PTGIS: variants seen among roughly 807,000 people sequenced by gnomAD.
PTGIS encodes the protein prostaglandin I2 synthase.
A neutral mutation model predicts 50.3 loss-of-function variants in PTGIS; 45 were observed. The ratio of observed to expected loss-of-function variants is 0.90; its 90% CI spans 0.70 to 1.15. The LOEUF is 1.15. Among genes scored for constraint, PTGIS ranks in the 50% most tolerant of loss-of-function variants. PTGIS has a pLI of 0.00. For synonymous variants in PTGIS, 260 were observed against 267.7 expected (o/e 0.97, Z 0.28); for missense variants, 668 against 661.3 (o/e 1.01, Z -0.11).
intron 8 of PTGIS, among the ~76,000 whole-genome samples, chr20:49,511,816 G>A (rs1259749676): frequency 6.6e-6 from 1 of 152,276 alleles, no homozygotes; most frequent in African/African-American, 2.4e-5. Context: ...AGATGGAAAT[G>A]TGGATGGAAA....
intron 1 of PTGIS, among the ~76,000 whole-genome samples, chr20:49,564,100 G>A (rs1024925363): frequency 2.0e-5 from 3 of 152,214 alleles, no homozygotes; most frequent in Admixed American, 6.5e-5. Flanking sequence ...AATGGGGCTC[G>A]AAAATTCTTG....
rs140892237 is a variant in PTGIS at position 49,520,074 on chromosome 20, T to C, written c.855+3984A>G. On this transcript the variant is annotated intron_variant, in intron 6 of 9. Transcript: ENST00000244043. ...GCCCTACAGCAGGCACCTGTCTCAC[T>C]CACAGTAAAAGCCAAAGCCCTCCCC... Among the ~76,000 whole-genome samples the C allele has an allele frequency of 6.4e-4, 98 of 152,222 alleles. 2 individuals are homozygous for C. Among genetic ancestry groups the C allele is most frequent in the African/African-American group, 2.3e-3 (96 of 41,530 alleles).
chr20:49,542,086 G>A (rs913814085), intron 4 of PTGIS, among the ~76,000 whole-genome samples: 4 of 152,186 alleles, frequency 2.6e-5, no homozygotes, highest in Non-Finnish European at 5.9e-5. Context: ...AACAGAAATA[G>A]CAAAGGCCAC....
intron 1 of PTGIS, among the ~76,000 whole-genome samples, chr20:49,567,028 A>G (rs374217593): frequency 4.8e-4 from 73 of 152,316 alleles, no homozygotes; most frequent in African/African-American, 1.7e-3. Context: ...TCAAATAAAA[A>G]GTATATTTTT....
chr20:49,517,646 C>T (rs1454401162), intron 6 of PTGIS, among the ~76,000 whole-genome samples: 1 of 152,216 alleles, frequency 6.6e-6, no homozygotes, highest in Non-Finnish European at 1.5e-5. Flanking sequence ...TTCTAGCTTT[C>T]CTGTGAATGG....
intron 1 of PTGIS, among the ~76,000 whole-genome samples, chr20:49,557,712 A>G (rs1321127854): frequency 6.6e-6 from 1 of 152,200 alleles, no homozygotes; most frequent in Non-Finnish European, 1.5e-5. Context: ...CTTTCCTACT[A>G]TTCCTAAGCA....
At chr20:49,516,046 T>TC (rs1981465406) in intron 6 of PTGIS, among the ~76,000 whole-genome samples, 1 of 92,372 alleles carries the variant, frequency 1.1e-5, no homozygotes, top group Non-Finnish European at 2.6e-5. Context: ...CAGCTAGGTT[T>TC]TTTTTTTTTT....
chr20:49,524,291 C>T (rs1447822169), intron 5 of PTGIS, 52 bp from the exon 6 acceptor site: 3 of 1,588,372 alleles, frequency 1.9e-6, no homozygotes, highest in Admixed American at 3.4e-5. Context: ...CATCCCACAC[C>T]CAGGGCTGGC....
chr20:49,509,881 CTTTTTTTTT>C (rs11337451), intron 9 of PTGIS, among the ~76,000 whole-genome samples: 3 of 93,378 alleles, frequency 3.2e-5, no homozygotes, highest in African/African-American at 1.4e-4. Flanking sequence ...TTCTTTCTTT[CTTTTTTTTT>C]TTTTTTTTTT....
intron 1 of PTGIS, among the ~76,000 whole-genome samples, chr20:49,564,191 T>C (rs114231800): frequency 1.6e-3 from 239 of 152,326 alleles, no homozygotes; most frequent in African/African-American, 5.7e-3. Flanking sequence ...GGCAAGAAAA[T>C]AGAATTGTAG....
intron 1 of PTGIS, among the ~76,000 whole-genome samples, chr20:49,559,701 A>C (rs879551328): frequency 1.3e-5 from 2 of 152,200 alleles, no homozygotes; most frequent in African/African-American, 2.4e-5. Context: ...CAGACACAAA[A>C]GGCCACATAT....
chr20:49,533,882 A>AGGAATT (rs1173824316), intron 5 of PTGIS, among the ~76,000 whole-genome samples: 25 of 152,000 alleles, frequency 1.6e-4, no homozygotes, highest in African/African-American at 5.8e-4. Flanking sequence ...AATTGCTTGA[A>AGGAATT]CCTGGGAGGC....
chr20:49,552,293 T>C (rs573266855), intron 1 of PTGIS, among the ~76,000 whole-genome samples: 3 of 152,218 alleles, frequency 2.0e-5, no homozygotes, highest in Non-Finnish European at 4.4e-5. Flanking sequence ...CTTAGTCTCA[T>C]GATATCTCTC....
At chr20:49,561,878 A>C (rs1982786595) in intron 1 of PTGIS, among the ~76,000 whole-genome samples, 1 of 152,178 alleles carries the variant, frequency 6.6e-6, no homozygotes, top group Non-Finnish European at 1.5e-5. Flanking sequence ...CCAACTACAC[A>C]TCAGGAGCTA....
At chr20:49,528,887 A>AAAACTAATC (rs1250529843) in intron 5 of PTGIS, among the ~76,000 whole-genome samples, 1 of 152,230 alleles carries the variant, frequency 6.6e-6, no homozygotes, top group Non-Finnish European at 1.5e-5. Flanking sequence ...TGAAACTAAT[A>AAAACTAATC]AAACTAATCA....
chr20:49,511,006 C>A, intron 9 of PTGIS, 22 bp downstream of exon 9: 2 of 1,610,688 alleles, frequency 1.2e-6, no homozygotes, highest in Non-Finnish European at 1.7e-6. Flanking sequence ...CCACCCTGGC[C>A]CTGCCCTGGC....
Position 49,506,218 on chromosome 20 carries a change from CCTTCT to C in PTGIS, c.*1697_*1701del, listed in dbSNP as rs1012023278. On this transcript the variant is annotated 3_prime_UTR_variant, in exon 10 of 10. Coordinates refer to ENST00000244043, the MANE Select transcript of PTGIS (RefSeq NM_000961.4). ...TCATCTATGAAGTGGGCACAACCCT[CCTTCT>C]CTTCATAGAGATGCTGTGAGGAGTA... The C allele has an allele frequency of 5.0e-4, 76 of 152,448 alleles. No homozygotes were observed. Among genetic ancestry groups the C allele is most frequent in the African/African-American group, 1.7e-3 (71 of 41,546 alleles). 9.4% of individuals were successfully genotyped at this position (152,448 alleles called of 1,614,324 possible).
At chr20:49,532,890 T>C (rs184671759) in intron 5 of PTGIS, among the ~76,000 whole-genome samples, 1 of 152,256 alleles carries the variant, frequency 6.6e-6, no homozygotes, top group Admixed American at 6.5e-5. Context: ...CAGAACACAC[T>C]TGGTATCGGT....
chr20:49,509,547 T>C (rs767591171), intron 9 of PTGIS, among the ~76,000 whole-genome samples: 31 of 152,186 alleles, frequency 2.0e-4, no homozygotes, highest in Non-Finnish European at 2.2e-4. Context: ...AGGGCACCAT[T>C]TGAATATAAT....
Sources: allele counts gnomAD v4.1 joint callset (sites outside exome capture counted in the v4.1 genomes callset), GRCh38; gene constraint gnomAD v4.1.1; transcripts MANE v1.5; gene names NCBI Gene and HGNC (gene_info 2026-07-23, HGNC 2026-07-21).